Variants in KCTD1 observed in about 807,000 individuals in gnomAD.
The protein encoded by KCTD1 is BTB/POZ domain-containing protein KCTD1.
KCTD1 carries 24 observed loss-of-function variants against 66.0 expected under a neutral mutation model. That is an observed-to-expected ratio of 0.36 (90% confidence interval 0.26 to 0.51). The LOEUF is 0.51. KCTD1 is among the 20% of genes least tolerant of loss of function. The pLI is 0.95. For synonymous variants in KCTD1, 511 were observed against 517.2 expected, an observed-to-expected ratio of 0.99 and a Z score of 0.16; for missense variants, 943 against 1,205.2, an observed-to-expected ratio of 0.78 and a Z score of 3.22.
chr18:26,486,204 C>T (rs1981910990), intron 2 of KCTD1, among the ~76,000 whole-genome samples: 1 of 152,206 alleles, frequency 6.6e-6, no homozygotes, highest in African/African-American at 2.4e-5. Context: ...AGCCACTGCA[C>T]CCGGCCCTGA....
intron 1 of KCTD1, among the ~76,000 whole-genome samples, chr18:26,557,946 T>G (rs1020496623): frequency 1.3e-5 from 2 of 152,194 alleles, no homozygotes; most frequent in Non-Finnish European, 2.9e-5. Flanking sequence ...AAGTCCAAAC[T>G]CCCCATAGTC....
At chr18:26,563,757 T>C (rs1030439773) in intron 1 of KCTD1, among the ~76,000 whole-genome samples, 2 of 152,352 alleles carry the variant, frequency 1.3e-5, no homozygotes, top group East Asian at 3.9e-4. Flanking sequence ...GAGGACTAAA[T>C]GAGTTAATAT....
chr18:26,531,997 C>G (rs1567982727), intron 1 of KCTD1, among the ~76,000 whole-genome samples: 1 of 152,180 alleles, frequency 6.6e-6, no homozygotes, highest in Non-Finnish European at 1.5e-5. Context: ...GATTTCTTGA[C>G]AGACCTATCT....
At chr18:26,514,129 A>G (rs961482637) in intron 1 of KCTD1, among the ~76,000 whole-genome samples, 1 of 152,218 alleles carries the variant, frequency 6.6e-6, no homozygotes, top group Admixed American at 6.5e-5. Flanking sequence ...TCCCCTGTAG[A>G]ACAGAGAAAA....
intron 1 of KCTD1, among the ~76,000 whole-genome samples, chr18:26,567,488 G>GTTTTTTTTTTTTTTTT (rs201110977): frequency 8.9e-6 from 1 of 112,772 alleles, no homozygotes; most frequent in Non-Finnish European, 1.9e-5. Flanking sequence ...TGTTGTTGTT[G>GTTTTTTTTTTTTTTTT]TTTTTTTTTT....
intron 1 of KCTD1, among the ~76,000 whole-genome samples, chr18:26,528,062 T>C (rs1452308443): frequency 6.6e-6 from 1 of 152,110 alleles, no homozygotes; most frequent in East Asian, 1.9e-4. Context: ...AGACCCAGCA[T>C]GTTGCACAGA....
intron 1 of KCTD1, among the ~76,000 whole-genome samples, chr18:26,519,417 G>A (rs1313872698): frequency 7.2e-5 from 11 of 152,132 alleles, no homozygotes; most frequent in Admixed American, 3.9e-4. Context: ...ATGTTTTGTC[G>A]AGACAAATTA....
chr18:26,565,319 T>C (rs1985957210), intron 1 of KCTD1, among the ~76,000 whole-genome samples: 1 of 152,216 alleles, frequency 6.6e-6, no homozygotes. Context: ...ATCAAAGAGC[T>C]TGGAGATCAT....
upstream of KCTD1, chr18:26,549,349 T>G (rs557754208): frequency 1.2e-5 from 12 of 985,378 alleles, no homozygotes; most frequent in East Asian, 4.6e-4. Context: ...CCACATCCCT[T>G]TCGACTTTTC....
chr18:26,639,725 G>C (rs77108596), intron 1 of KCTD1, among the ~76,000 whole-genome samples: 3 of 152,090 alleles, frequency 2.0e-5, no homozygotes, highest in African/African-American at 4.8e-5. Context: ...TCACAACACC[G>C]CTGTGCTGTA....
At chr18:26,596,384 G>A (rs1034013544) in intron 1 of KCTD1, among the ~76,000 whole-genome samples, 1 of 152,208 alleles carries the variant, frequency 6.6e-6, no homozygotes, top group African/African-American at 2.4e-5. Flanking sequence ...AGTGAATCCT[G>A]CAGGACCTTG....
chr18:26,548,479 C>A lies in KCTD1; in HGVS notation c.58G>T (p.Ala20Ser). The part of the protein sequence containing the change: ...CNTSAGGSAS[A>S]AAAAAENNGE... The stretch of plus-strand genomic sequence containing the variant: ...TTGTTCTCGGCGGCGGCGGCGGCAG[C>A]GCTGGCGCTGCCGCCCGCGCTGGTG... The change falls in exon 1 of 5, where the codon GCT becomes TCT. Residue 20 changes from alanine to serine, a missense_variant. By Grantham distance (99) the Ala-to-Ser change is moderately conservative. Around this residue, in one of 10 missense-constraint regions of KCTD1, gnomAD observed 236 missense variants for 206.6 expected, o/e 1.14. Coordinates refer to ENST00000580059, the MANE Select transcript of KCTD1 (RefSeq NM_001142730.3). The A allele has an allele frequency of 8.0e-7, 1 of 1,249,964 alleles. No individual in the cohort carries two copies. 77.4% of individuals were successfully genotyped at this position (1,249,964 alleles called of 1,614,324 possible). A position where few individuals can be genotyped will look rare whatever the true frequency, so the allele number is the denominator to read the frequency against.
rs557052251 is a variant in KCTD1, at chr18:26,656,118, T to C, written c.9+1242A>G. ...AAACTGAATCCCTCCCGCCCACCTC[T>C]GCGCCCCGAGCGCTGGTTCAGACGG... On this transcript the variant is annotated intron_variant, in intron 1 of 4. Transcript: ENST00000580191. 7.6e-3 allele frequency among the ~76,000 whole-genome samples: 1,152 copies of C among 152,278 alleles called. 14 individuals are homozygous for C. The highest frequency in any genetic ancestry group is 0.026 in the African/African-American group (1,092 of 41,570).
intron 2 of KCTD1, among the ~76,000 whole-genome samples, chr18:26,492,232 A>G (rs1982239270): frequency 6.6e-6 from 1 of 151,636 alleles, no homozygotes. Context: ...ATAGAGTGAG[A>G]CCCTATCTGG....
At chr18:26,518,326 T>C (rs1214503223) in intron 1 of KCTD1, among the ~76,000 whole-genome samples, 2 of 151,320 alleles carry the variant, frequency 1.3e-5, no homozygotes, top group African/African-American at 2.4e-5. Flanking sequence ...TGAGACAGAG[T>C]CTCACTCTGT....
At chr18:26,492,605 CAATAAATAAATAAATAAATAAATA>C (rs56266790) in intron 2 of KCTD1, among the ~76,000 whole-genome samples, 7,545 of 138,578 alleles carry the variant, frequency 0.054, 663 homozygotes, top group African/African-American at 0.19. Context: ...GACACTGTCT[CAATAAATAAATAAATAAATAAATA>C]AATAAATAAA....
intron 1 of KCTD1, among the ~76,000 whole-genome samples, chr18:26,524,966 A>G (rs560140101): frequency 1.3e-5 from 2 of 152,246 alleles, no homozygotes; most frequent in South Asian, 4.2e-4. Flanking sequence ...TACTGCCTGG[A>G]TGAACTCCAC....
chr18:26,585,930 T>C (rs1986462295), intron 1 of KCTD1, among the ~76,000 whole-genome samples: 1 of 152,202 alleles, frequency 6.6e-6, no homozygotes, highest in Non-Finnish European at 1.5e-5. Flanking sequence ...TGCATTCCTA[T>C]AGTCCTAGCT....
At chr18:26,628,456 C>T (rs902929849) in intron 1 of KCTD1, among the ~76,000 whole-genome samples, 13 of 152,086 alleles carry the variant, frequency 8.5e-5, no homozygotes, top group African/African-American at 2.4e-4. Flanking sequence ...GGGCAATTCA[C>T]ATTTTGTGAA....
Sources: gnomAD v4.1 joint callset for allele counts (sites outside exome capture counted in the v4.1 genomes callset) on GRCh38, gnomAD v4.1.1 for gene constraint, gnomAD v4.1.1 regional missense constraint, MANE v1.5 for transcripts, NCBI Gene and HGNC (gene_info 2026-07-23, HGNC 2026-07-21) for gene names.